PCDHGA1: variants seen among roughly 807,000 people sequenced by gnomAD.
PCDHGA1 encodes protocadherin gamma-A1.
Under a neutral mutation model 58.0 loss-of-function variants are expected in PCDHGA1, and 32 were observed. The observed-to-expected ratio is 0.55, with a 90% CI of 0.42 to 0.74. PCDHGA1 has a LOEUF of 0.74. PCDHGA1 is among the 30% of genes least tolerant of loss of function. The pLI, the probability that PCDHGA1 is intolerant of heterozygous loss-of-function variation, is 0.00. For synonymous variants in PCDHGA1, 498 were observed against 501.1 expected, an observed-to-expected ratio of 0.99 and a Z score of 0.08; for missense variants, 1,205 against 1,182.3, an observed-to-expected ratio of 1.02 and a Z score of -0.28.
chr5:141,487,438 G>A lies in PCDHGA1; in HGVS notation c.2422-7369G>A, dbSNP rs2154580826. 6 of 1,614,174 alleles carry A rather than the reference G, an allele frequency of 3.7e-6. No individual in the cohort carries two copies. Among genetic ancestry groups the A allele is most frequent in the East Asian group, 2.2e-5 (1 of 44,866 alleles). On this transcript the variant is annotated intron_variant, in intron 1 of 3. Transcript: ENST00000517417. This position sits in a 1 kb window ranked among gnomAD's most constrained non-coding sequence, Gnocchi z 5.0. The stretch of plus-strand genomic sequence containing the variant: ...ATGGGATCCTCCGAATCCAGCTAGG[G>A]TCAGATGACCCTATCAAGTTTGTTG...
chr5:141,366,278 G>A, intron 1 of PCDHGA1: 1 of 1,613,712 alleles, frequency 6.2e-7, no homozygotes. Flanking sequence ...CGAAGACCAT[G>A]GCCAGCCCCC....
chr5:141,449,075 T>C (rs1452456191), intron 1 of PCDHGA1, among the ~76,000 whole-genome samples: 3 of 152,240 alleles, frequency 2.0e-5, no homozygotes, highest in African/African-American at 7.2e-5. Context: ...AATAGCCCTG[T>C]ACCTACATCA....
chr5:141,479,752 T>C (rs770200359), intron 1 of PCDHGA1: 4 of 152,236 alleles, frequency 2.6e-5, no homozygotes, highest in Non-Finnish European at 4.4e-5. Context: ...ATGTGAAAGG[T>C]AGATAAATTC....
intron 1 of PCDHGA1, chr5:141,340,930 T>G (rs912251215): frequency 6.8e-6 from 11 of 1,613,462 alleles, no homozygotes; most frequent in Non-Finnish European, 9.3e-6. Context: ...GCCAGCCCCC[T>G]CTCTCCGCCA....
At chr5:141,466,754 C>T (rs1045917268) in intron 1 of PCDHGA1, among the ~76,000 whole-genome samples, 1 of 152,138 alleles carries the variant, frequency 6.6e-6, no homozygotes, top group African/African-American at 2.4e-5. Context: ...GATAGGGGCT[C>T]TTTTCAAACT....
intron 1 of PCDHGA1, chr5:141,403,949 G>T: frequency 1.2e-6 from 2 of 1,613,886 alleles, no homozygotes; most frequent in Non-Finnish European, 1.7e-6. Flanking sequence ...GTGGACAAAA[G>T]TGCTCATTTC....
chr5:141,388,889 C>A, intron 1 of PCDHGA1: 2 of 1,613,954 alleles, frequency 1.2e-6, no homozygotes, highest in Non-Finnish European at 1.7e-6. Flanking sequence ...AGGTAGAAGT[C>A]ATAGATGAAA....
intron 1 of PCDHGA1, chr5:141,362,618 A>G: frequency 6.5e-7 from 1 of 1,536,872 alleles, no homozygotes; most frequent in Non-Finnish European, 8.8e-7. Flanking sequence ...TTGGGTAGGA[A>G]GTTCCACTGC....
intron 1 of PCDHGA1, chr5:141,399,003 A>C: frequency 6.2e-7 from 1 of 1,613,966 alleles, no homozygotes; most frequent in East Asian, 2.2e-5. Context: ...GTCTGAATTC[A>C]AAGAGCGGAG....
chr5:141,492,575 C>T (rs1213639439), intron 1 of PCDHGA1, among the ~76,000 whole-genome samples: 1 of 152,218 alleles, frequency 6.6e-6, no homozygotes, highest in South Asian at 2.1e-4. Flanking sequence ...GAGCGAGGCG[C>T]GGGGCCAGGA....
chr5:141,333,933 T>C (rs980523964), intron 1 of PCDHGA1: 3 of 152,226 alleles, frequency 2.0e-5, no homozygotes, highest in African/African-American at 7.2e-5. Context: ...AGAAATATCT[T>C]TGAAGCCTCC....
At position 141,395,235 on chromosome 5, in the gene PCDHGA1, C is replaced by T. The variant is rs775441341; in HGVS notation, c.2421+62130C>T. 7 of 1,601,042 alleles carry T rather than the reference C, an allele frequency of 4.4e-6. No homozygotes were observed. In the South Asian group the frequency reaches 7.9e-5, roughly 18 times the overall value. ...ATATAAGAATGAAGCTGATCATGGT[C>T]AGGTGAGTTTAGTTCTTTGCTTGCT... On this transcript the variant is annotated intron_variant, in intron 1 of 3. Transcript: ENST00000517417.
chr5:141,339,710 T>A, intron 1 of PCDHGA1: 3 of 1,614,158 alleles, frequency 1.9e-6, no homozygotes, highest in Non-Finnish European at 1.7e-6. Context: ...ACAGCCCGAG[T>A]ACCGCATAAG....
At position 141,491,692 on chromosome 5, in the gene PCDHGA1, C is replaced by T. The variant is rs749349869; in HGVS notation, c.2422-3115C>T. On this transcript the variant is annotated intron_variant, in intron 1 of 3. Coordinates refer to ENST00000517417, the MANE Select transcript of PCDHGA1 (RefSeq NM_018912.3). This position sits in a 1 kb window ranked among gnomAD's most constrained non-coding sequence, Gnocchi z 6.9. ...GTCCCGCTCTAATACGCTGCGGGAG[C>T]GGAGCCAGGTGAGGGGCTCGGCGCC... is the stretch of plus-strand genomic sequence containing the variant. 1 of 1,612,594 alleles carries T rather than the reference C, an allele frequency of 6.2e-7. No homozygotes were observed. The highest frequency in any genetic ancestry group is 8.5e-7 in the Non-Finnish European group (1 of 1,179,340).
intron 1 of PCDHGA1, chr5:141,384,370 T>C (rs769961814): frequency 1.9e-6 from 3 of 1,613,926 alleles, no homozygotes; most frequent in South Asian, 2.2e-5. Context: ...CACTTATTCC[T>C]TGGCCGAAGA....
intron 1 of PCDHGA1, among the ~76,000 whole-genome samples, chr5:141,454,343 A>G (rs1161350416): frequency 2.6e-5 from 4 of 152,248 alleles, no homozygotes; most frequent in African/African-American, 7.2e-5. Flanking sequence ...AAATGTTGGA[A>G]GTTGATCCAA....
intron 1 of PCDHGA1, chr5:141,410,849 C>CTTTTTTTTTTTTTTTTTTGTTTTTTTT (rs2095435748): frequency 1.5e-5 from 2 of 129,786 alleles, no homozygotes; most frequent in Non-Finnish European, 2.6e-5. Context: ...TTGTCTTTGT[C>CTTTTTTTTTTTTTTTTTTGTTTTTTTT]TTTTTTTTTT....
At chr5:141,385,098 G>A (rs1175088584) in intron 1 of PCDHGA1, 2 of 1,614,080 alleles carry the variant, frequency 1.2e-6, no homozygotes, top group Non-Finnish European at 1.7e-6. Flanking sequence ...GTGGCTTGGC[G>A]AACGTGCCCA....
intron 1 of PCDHGA1, chr5:141,362,620 T>C (rs763103959): frequency 1.0e-4 from 160 of 1,526,964 alleles, no homozygotes; most frequent in Non-Finnish European, 1.4e-4. Context: ...GGGTAGGAAG[T>C]TCCACTGCGT....
Sources: allele counts gnomAD v4.1 joint callset (sites outside exome capture counted in the v4.1 genomes callset), GRCh38; gene constraint gnomAD v4.1.1; non-coding constraint Gnocchi (gnomAD v3.1); transcripts MANE v1.5; gene names NCBI Gene and HGNC (gene_info 2026-07-23, HGNC 2026-07-21).